Variants in FBXO34 observed in about 807,000 individuals in gnomAD.
The protein encoded by FBXO34 is F-box protein 34.
A neutral mutation model predicts 24.5 loss-of-function variants in FBXO34; 12 were observed. The ratio of observed to expected loss-of-function variants is 0.49; its 90% CI spans 0.31 to 0.79. The LOEUF (loss-of-function observed/expected upper bound fraction) is 0.79, where lower values mean the gene tolerates loss of function less well. Ranked by LOEUF, FBXO34 falls within the 30% of genes least tolerant of loss-of-function variation. The probability of loss-of-function intolerance (pLI) is 0.04; values close to 1 mark genes in which losing one functional copy is unlikely to be tolerated. For missense variants in FBXO34, 823 were observed against 857.7 expected (o/e 0.96, Z 0.51); for synonymous variants, 320 against 311.9 (o/e 1.03, Z -0.27).
Position 55,351,254 on chromosome 14 carries a change from T to C in FBXO34, c.864T>C (p.Ser288=). ...TTGACATGGTAGCCAAGTTGGAGTC[T>C]GAGTGCCTGAAGCGGCAGGGCCAGC... ...RVLDMVAKLE[S]ECLKRQGQRE... The change falls in exon 2 of 2, where the codon TCT becomes TCC. Residue 288 remains serine, a synonymous_variant. Coordinates refer to ENST00000313833, the MANE Select transcript of FBXO34 (RefSeq NM_017943.4). 1.9e-6 allele frequency: 3 copies of C among 1,614,190 alleles called. No individual in the cohort carries two copies. In the South Asian group the frequency reaches 3.3e-5, roughly 18 times the overall value.
At chr14:55,437,121 G>A in the FBXO34 span, 1 of 990,102 alleles carries the variant, frequency 1.0e-6, no homozygotes, top group Non-Finnish European at 1.5e-6. Context: ...TGTATTCAGT[G>A]TAAGAGGCAG....
At chr14:55,363,734 A>C (rs1884624195), downstream of FBXO34, among the ~76,000 whole-genome samples, 1 of 152,154 alleles carries the variant, frequency 6.6e-6, no homozygotes, top group Non-Finnish European at 1.5e-5. Flanking sequence ...ACTTCTTAGA[A>C]CATCATGAGA....
chr14:55,435,978 A>G, the FBXO34 span: 1 of 1,065,584 alleles, frequency 9.4e-7, no homozygotes, highest in African/African-American at 1.7e-5. Flanking sequence ...AGATATAAAG[A>G]GTAAAAAAAA....
chr14:55,329,436 G>A (rs771391468), intron 1 of FBXO34, among the ~76,000 whole-genome samples: 11 of 152,128 alleles, frequency 7.2e-5, no homozygotes, highest in South Asian at 4.1e-4. Flanking sequence ...CACTTAGAAA[G>A]TTAAAAATGC....
chr14:55,323,248 T>G (rs78564216), intron 1 of FBXO34, among the ~76,000 whole-genome samples: 2 of 87,790 alleles, frequency 2.3e-5, no homozygotes, highest in Admixed American at 1.1e-4. Context: ...TTTTTTTTTT[T>G]AGAGACAGAG....
chr14:55,289,194 G>A (rs1488984361), intron 1 of FBXO34, among the ~76,000 whole-genome samples: 1 of 151,652 alleles, frequency 6.6e-6, no homozygotes, highest in Non-Finnish European at 1.5e-5. Flanking sequence ...CCCCTTTCCA[G>A]CATTTTTAAA....
At chr14:55,367,844 C>T (rs181358184) in exon 3 of FBXO34, 2 of 152,182 alleles carry the variant, frequency 1.3e-5, no homozygotes, top group Admixed American at 6.5e-5. Flanking sequence ...TAGAAATAAA[C>T]TCCGTTCTGC....
At chr14:55,422,808 G>A in the FBXO34 span, among the ~76,000 whole-genome samples, 72 of 152,118 alleles carry the variant, frequency 4.7e-4, no homozygotes, top group African/African-American at 1.1e-3. Flanking sequence ...AGCTGAGATC[G>A]CGCCGCCATA....
chr14:55,400,625 C>T, the FBXO34 span, among the ~76,000 whole-genome samples: 24 of 152,152 alleles, frequency 1.6e-4, no homozygotes, highest in East Asian at 4.4e-3. Flanking sequence ...TAAACTGGGC[C>T]GGTGCGGTGG....
At chr14:55,370,072 G>T, downstream of FBXO34, 1 of 639,482 alleles carries the variant, frequency 1.6e-6, no homozygotes. Context: ...ACTCCGTGTT[G>T]ACATATGATT....
At chr14:55,379,499 C>T in the FBXO34 span, among the ~76,000 whole-genome samples, 3 of 152,110 alleles carry the variant, frequency 2.0e-5, no homozygotes, top group African/African-American at 4.8e-5. Flanking sequence ...GAGCTAAAAT[C>T]GTGCCACTGC....
At chr14:55,323,458 C>T (rs531235575) in intron 1 of FBXO34, among the ~76,000 whole-genome samples, 2 of 151,266 alleles carry the variant, frequency 1.3e-5, no homozygotes, top group East Asian at 2.0e-4. Context: ...TCTTGGCTCA[C>T]TGCGGTCTTC....
At chr14:55,377,904 GC>G in the FBXO34 span, 1 of 1,601,500 alleles carries the variant, frequency 6.2e-7, no homozygotes, top group South Asian at 1.1e-5. Flanking sequence ...AAATTTACAT[GC>G]TAAAAAAAAT....
At chr14:55,305,495 G>C (rs554893893) in intron 1 of FBXO34, among the ~76,000 whole-genome samples, 1 of 151,552 alleles carries the variant, frequency 6.6e-6, no homozygotes, top group African/African-American at 2.4e-5. Flanking sequence ...AGGAGTTCGA[G>C]ACCAGCCTGG....
chr14:55,289,801 C>A (rs779139582), intron 1 of FBXO34, among the ~76,000 whole-genome samples: 6 of 152,018 alleles, frequency 3.9e-5, no homozygotes, highest in Non-Finnish European at 8.8e-5. Flanking sequence ...TCTGCCTTGG[C>A]CTCACAAAGT....
chr14:55,435,741 C>A, the FBXO34 span: 1 of 848,968 alleles, frequency 1.2e-6, no homozygotes, highest in Non-Finnish European at 1.8e-6. Flanking sequence ...TTTTCAGTAA[C>A]AATTTTTTAA....
chr14:55,440,479 G>T, the FBXO34 span: 1 of 1,612,654 alleles, frequency 6.2e-7, no homozygotes, highest in Non-Finnish European at 8.5e-7. Context: ...GGGGGTGGGG[G>T]CGGGTAAGAG....
the FBXO34 span, among the ~76,000 whole-genome samples, chr14:55,416,654 C>T: frequency 6.6e-6 from 1 of 152,138 alleles, no homozygotes; most frequent in Admixed American, 6.5e-5. Context: ...TCTACAAAAC[C>T]AAACTCTTTA....
chr14:55,374,591 C>G (rs58571408), downstream of FBXO34, among the ~76,000 whole-genome samples: 1 of 152,186 alleles, frequency 6.6e-6, no homozygotes, highest in African/African-American at 2.4e-5. Context: ...TTGTGGCTTA[C>G]TTGGGAATTC....
Sources: gnomAD v4.1 joint callset for allele counts (sites outside exome capture counted in the v4.1 genomes callset) on GRCh38, gnomAD v4.1.1 for gene constraint, MANE v1.5 for transcripts, NCBI Gene and HGNC (gene_info 2026-07-23, HGNC 2026-07-21) for gene names.